FMNL3: variants seen among roughly 807,000 people sequenced by gnomAD.
FMNL3 encodes formin like 3, also known as formin-like protein 3.
A neutral mutation model predicts 119.6 loss-of-function variants in FMNL3; 57 were observed. The ratio of observed to expected loss-of-function variants is 0.48; its 90% confidence interval spans 0.39 to 0.59. The LOEUF (loss-of-function observed/expected upper bound fraction) is 0.59, where lower values mean the gene tolerates loss of function less well. FMNL3 is among the 20% of genes least tolerant of loss of function. The pLI is 0.00. For missense variants in FMNL3, 1,053 were observed against 1,323.5 expected, an observed-to-expected ratio of 0.80 and a Z score of 3.17; for synonymous variants, 491 against 507.3, an observed-to-expected ratio of 0.97 and a Z score of 0.43.
At chr12:49,660,024 GT>G in intron 5 of FMNL3, 1 of 933,172 alleles carries the variant, frequency 1.1e-6, no homozygotes, top group African/African-American at 1.8e-5. Flanking sequence ...AGGCTTTAGT[GT>G]CCTCATGATC....
chr12:49,670,934 T>C (rs555920608), intron 1 of FMNL3, among the ~76,000 whole-genome samples: 6 of 152,316 alleles, frequency 3.9e-5, no homozygotes, highest in South Asian at 2.1e-4. Flanking sequence ...TGAGCAGAAA[T>C]AGTCCTCAGG....
chr12:49,646,597 G>T, intron 25 of FMNL3: 1 of 1,426,586 alleles, frequency 7.0e-7, no homozygotes, highest in South Asian at 1.4e-5. Flanking sequence ...CAGGAATCCT[G>T]GGAGACGGGC....
Position 49,662,148 on chromosome 12 carries a change from C to T in FMNL3, c.369-99G>A, listed in dbSNP as rs1037649117. 2.7e-6 allele frequency: 3 copies of T among 1,096,458 alleles called. No individual in the cohort carries two copies. In the African/African-American group the frequency reaches 4.6e-5, roughly 17 times the overall value. 67.9% of individuals were successfully genotyped at this position (1,096,458 alleles called of 1,614,324 possible). On this transcript the variant is annotated intron_variant, in intron 4 of 25. Coordinates refer to ENST00000335154, the MANE Select transcript of FMNL3 (RefSeq NM_175736.5). Reference sequence around the variant, plus strand: ...GACCCAACACCTCCTCCTCCTGGAACCCAGCACCAGGCTAAGAAAATTCTG... The same window carrying T: ...GACCCAACACCTCCTCCTCCTGGAATCCAGCACCAGGCTAAGAAAATTCTG...
Position 49,643,069 on chromosome 12 carries a change from A to G in FMNL3, c.*2746T>C. ...GGTGAAGCTGGGTTGTTTTGGGGAA[A>G]TAAACACTTTGTTTTCCCCTTACAA... On this transcript the variant is annotated 3_prime_UTR_variant, in exon 26 of 26. Coordinates refer to ENST00000335154, the MANE Select transcript of FMNL3 (RefSeq NM_175736.5). 1 of 1,602,300 alleles carries G rather than the reference A, an allele frequency of 6.2e-7. No homozygotes were observed. The highest frequency in any genetic ancestry group is 8.5e-7 in the Non-Finnish European group (1 of 1,170,470).
chr12:49,653,478 T>G, intron 12 of FMNL3, 151 bp from the exon 13 acceptor site: 1 of 900,082 alleles, frequency 1.1e-6, no homozygotes, highest in Admixed American at 2.1e-5. Flanking sequence ...CAATAACAGA[T>G]ACAAGACAAA....
intron 6 of FMNL3, among the ~76,000 whole-genome samples, chr12:49,657,785 C>G (rs996131927): frequency 3.9e-5 from 6 of 152,108 alleles, no homozygotes; most frequent in African/African-American, 1.4e-4. Flanking sequence ...CCAAAGGAGA[C>G]TAGGAGGAAA....
intron 1 of FMNL3, among the ~76,000 whole-genome samples, chr12:49,702,723 T>C (rs1226711312): frequency 6.6e-6 from 1 of 152,038 alleles, no homozygotes; most frequent in African/African-American, 2.4e-5. Flanking sequence ...TCTAGGGTCT[T>C]CTCTGTGGGG....
intron 1 of FMNL3, among the ~76,000 whole-genome samples, chr12:49,683,531 A>C (rs540383034): frequency 1.3e-5 from 2 of 152,166 alleles, no homozygotes. Context: ...ATCAGTCATG[A>C]AAATTTAACT....
intron 1 of FMNL3, among the ~76,000 whole-genome samples, chr12:49,702,436 G>C (rs907453745): frequency 6.6e-6 from 1 of 152,186 alleles, no homozygotes; most frequent in Non-Finnish European, 1.5e-5. Flanking sequence ...ATTTGGTAAA[G>C]AAACTAGAGA....
At position 49,636,563 on chromosome 12, in the gene FMNL3, G is replaced by C; in HGVS notation, c.*9252C>G. 3.6e-6 allele frequency: 3 copies of C among 838,576 alleles called. No homozygotes were observed. Among genetic ancestry groups the C allele is most frequent in the South Asian group, 3.4e-5 (2 of 58,114 alleles). 51.9% of individuals were successfully genotyped at this position (838,576 alleles called of 1,614,324 possible). The stretch of plus-strand genomic sequence containing the variant: ...CCTCTTAAGAACTACCATTGCAGTG[G>C]CTGCTCCCACAGAGCCCCCTCCAGG... On this transcript the variant is annotated 3_prime_UTR_variant, in exon 26 of 26. Coordinates refer to ENST00000335154, the MANE Select transcript of FMNL3 (RefSeq NM_175736.5).
At position 49,641,819 on chromosome 12, in the gene FMNL3, T is replaced by C; in HGVS notation, c.*3996A>G. 9.1e-7 allele frequency: 1 copy of C among 1,095,910 alleles called. No individual in the cohort carries two copies. The highest frequency in any genetic ancestry group is 1.3e-5 in the South Asian group (1 of 77,874). 67.9% of individuals were successfully genotyped at this position (1,095,910 alleles called of 1,614,324 possible). A position where few individuals can be genotyped will look rare whatever the true frequency, so the allele number is the denominator to read the frequency against. On this transcript the variant is annotated 3_prime_UTR_variant, in exon 26 of 26. Coordinates refer to ENST00000335154, the MANE Select transcript of FMNL3 (RefSeq NM_175736.5). ...GGATCTCTTCCAGAGGCAAGGGCCT[T>C]CTTGACCATCTGTAATGTGACCACT...
Position 49,644,013 on chromosome 12 carries a change from C to T in FMNL3, c.*1802G>A. ...GAATCAAGAAGGAGAAGGTGAGGGGCAGGGGCCCTAGGCCAGTCAGCACGC... is the reference window on the plus strand; with the variant it reads ...GAATCAAGAAGGAGAAGGTGAGGGGTAGGGGCCCTAGGCCAGTCAGCACGC... On this transcript the variant is annotated 3_prime_UTR_variant, in exon 26 of 26. Transcript: ENST00000335154. 3 of 1,614,124 alleles carry T rather than the reference C, an allele frequency of 1.9e-6. No individual in the cohort carries two copies. Among genetic ancestry groups the T allele is most frequent in the Non-Finnish European group, 2.5e-6 (3 of 1,179,996 alleles).
Position 49,662,031 on chromosome 12 carries a change from C to T in FMNL3, c.387G>A (p.Leu129=). Residue 129 remains leucine (L), a synonymous_variant, in exon 5 of 26, where the codon CTG becomes CTA. Coordinates refer to ENST00000335154, the MANE Select transcript of FMNL3 (RefSeq NM_175736.5). Reference sequence around the variant, plus strand: ...CATCCAGGCCTTTGTTTTCATCATTCAGAAATTCCCGCACCCACCTGCAGA... The same window carrying T: ...CATCCAGGCCTTTGTTTTCATCATTTAGAAATTCCCGCACCCACCTGCAGA... ...TNHIGWVREF[L]NDENKGLDVL... is the part of the protein sequence containing the mutation. The T allele has an allele frequency of 4.3e-6, 7 of 1,614,132 alleles. No individual in the cohort carries two copies. Among genetic ancestry groups the T allele is most frequent in the Non-Finnish European group, 5.1e-6 (6 of 1,180,030 alleles).
chr12:49,652,814 G>A (rs1376376001), intron 13 of FMNL3, among the ~76,000 whole-genome samples: 1 of 152,162 alleles, frequency 6.6e-6, no homozygotes, highest in Non-Finnish European at 1.5e-5. Flanking sequence ...AATATGAAGA[G>A]TACCTGCCCT....
chr12:49,691,451 G>A (rs1944597545), intron 1 of FMNL3, among the ~76,000 whole-genome samples: 2 of 152,142 alleles, frequency 1.3e-5, no homozygotes, highest in Admixed American at 1.3e-4. Flanking sequence ...GCTGTGCCAA[G>A]GCTGGAGATG....
Position 49,642,033 on chromosome 12 carries a change from C to T in FMNL3, c.*3782G>A, listed in dbSNP as rs764713565. On this transcript the variant is annotated 3_prime_UTR_variant, in exon 26 of 26. Transcript: ENST00000335154. The surrounding 1 kb of genome is among the most constrained non-coding windows in gnomAD (Gnocchi z 5.8). ...AGCTGACCTTCAATAGTGTGAGGGG[C>T]TGGGCGGGGCGTGGGAAGTTCTCTA... 1.2e-6 allele frequency: 2 copies of T among 1,610,320 alleles called. No homozygotes were observed. The highest frequency in any genetic ancestry group is 8.5e-7 in the Non-Finnish European group (1 of 1,178,988).
At chr12:49,686,478 T>G (rs12317040) in intron 1 of FMNL3, among the ~76,000 whole-genome samples, 1 of 148,642 alleles carries the variant, frequency 6.7e-6, no homozygotes, top group African/African-American at 2.5e-5. Flanking sequence ...CTTGGGAGGC[T>G]GAGGCAGGAG....
chr12:49,680,319 A>C (rs1046967508), intron 1 of FMNL3, among the ~76,000 whole-genome samples: 2 of 152,362 alleles, frequency 1.3e-5, no homozygotes, highest in African/African-American at 4.8e-5. Flanking sequence ...GCTTTATAGA[A>C]AGATAAACTG....
At chr12:49,689,564 C>T (rs1333974437) in intron 1 of FMNL3, among the ~76,000 whole-genome samples, 1 of 152,106 alleles carries the variant, frequency 6.6e-6, no homozygotes, top group African/African-American at 2.4e-5. Context: ...AGCAAGATAC[C>T]ATCTCTACAA....
Sources: gnomAD v4.1 joint callset for allele counts (sites outside exome capture counted in the v4.1 genomes callset) on GRCh38, gnomAD v4.1.1 for gene constraint, Gnocchi (gnomAD v3.1) non-coding constraint, MANE v1.5 for transcripts, NCBI Gene and HGNC (gene_info 2026-07-23, HGNC 2026-07-21) for gene names.